The following PDZRN4 variants were observed in gnomAD, a reference collection of about 807,000 sequenced individuals.
PDZRN4 encodes the protein PDZ domain-containing RING finger protein 4.
In PDZRN4, 70 loss-of-function variants were observed where a neutral mutation model predicts 99.0. That is an observed-to-expected ratio of 0.71 (90% CI 0.58 to 0.86). PDZRN4 has a LOEUF of 0.86. PDZRN4 is among the 40% of genes least tolerant of loss of function. The pLI, the probability that PDZRN4 is intolerant of heterozygous loss-of-function variation, is 0.00. For missense variants in PDZRN4, 1,474 were observed against 1,331.2 expected (o/e 1.11, Z -1.67); for synonymous variants, 551 against 501.6 (o/e 1.10, Z -1.32).
At chr12:41,481,222 A>G (rs1272782910) in intron 3 of PDZRN4, among the ~76,000 whole-genome samples, 6 of 151,986 alleles carry the variant, frequency 3.9e-5, no homozygotes, top group African/African-American at 1.2e-4. Flanking sequence ...CACCCATCAT[A>G]ACAGGAGCAG....
At chr12:41,496,789 A>G (rs951633981) in intron 3 of PDZRN4, among the ~76,000 whole-genome samples, 1 of 152,178 alleles carries the variant, frequency 6.6e-6, no homozygotes, top group South Asian at 2.1e-4. Context: ...ATGAAAATGT[A>G]TTTAACACAT....
At chr12:41,348,736 T>G (rs1394926560) in intron 3 of PDZRN4, among the ~76,000 whole-genome samples, 1 of 151,932 alleles carries the variant, frequency 6.6e-6, no homozygotes, top group Non-Finnish European at 1.5e-5. Flanking sequence ...ATTACTCCAT[T>G]TTTTTTAAAT....
intron 3 of PDZRN4, among the ~76,000 whole-genome samples, chr12:41,296,789 ATC>A (rs1025956985): frequency 6.6e-6 from 1 of 151,854 alleles, no homozygotes; most frequent in Non-Finnish European, 1.5e-5. Flanking sequence ...GCAAGACCTT[ATC>A]TCTACAAAAA....
chr12:41,409,241 G>T (rs972201726), intron 3 of PDZRN4, among the ~76,000 whole-genome samples: 1 of 151,728 alleles, frequency 6.6e-6, no homozygotes, highest in Non-Finnish European at 1.5e-5. Context: ...ATTTTTTAAG[G>T]GTTAACATCT....
chr12:41,407,809 C>T (rs539120724), intron 3 of PDZRN4, among the ~76,000 whole-genome samples: 5 of 151,896 alleles, frequency 3.3e-5, no homozygotes, highest in African/African-American at 4.8e-5. Flanking sequence ...TTAAATTCTG[C>T]GAGAAAAGAT....
At chr12:41,387,446 G>A (rs992854643) in intron 3 of PDZRN4, among the ~76,000 whole-genome samples, 1 of 152,032 alleles carries the variant, frequency 6.6e-6, no homozygotes, top group Non-Finnish European at 1.5e-5. Context: ...TTAGCCAGGG[G>A]TGGCAGCGTG....
intron 3 of PDZRN4, among the ~76,000 whole-genome samples, chr12:41,440,981 T>A (rs1396228748): frequency 1.3e-5 from 2 of 152,128 alleles, no homozygotes; most frequent in Non-Finnish European, 2.9e-5. Context: ...TAATAACAGA[T>A]TTATTTCTGA....
chr12:41,531,827 T>C (rs922194091), intron 5 of PDZRN4, among the ~76,000 whole-genome samples: 1 of 152,222 alleles, frequency 6.6e-6, no homozygotes, highest in Non-Finnish European at 1.5e-5. Flanking sequence ...TTTATATATT[T>C]TAAAATCAAC....
intron 8 of PDZRN4, among the ~76,000 whole-genome samples, chr12:41,566,160 A>T (rs981081804): frequency 3.0e-4 from 45 of 152,178 alleles, no homozygotes; most frequent in African/African-American, 1.1e-3. Context: ...GGATTACTCA[A>T]TAAGAAAAGA....
chr12:41,466,437 A>T (rs575184213), intron 3 of PDZRN4, among the ~76,000 whole-genome samples: 63 of 152,126 alleles, frequency 4.1e-4, no homozygotes, highest in Non-Finnish European at 7.4e-4. Flanking sequence ...TCCCCAGAGG[A>T]GGGAGGAGGG....
chr12:41,381,238 C>T (rs1180785229), intron 3 of PDZRN4, among the ~76,000 whole-genome samples: 1 of 152,120 alleles, frequency 6.6e-6, no homozygotes, highest in African/African-American at 2.4e-5. Flanking sequence ...ATTTGGGTCT[C>T]ATGAATCTGG....
chr12:41,418,210 A>T (rs1217609814), intron 3 of PDZRN4, among the ~76,000 whole-genome samples: 2 of 152,188 alleles, frequency 1.3e-5, no homozygotes, highest in African/African-American at 4.8e-5. Context: ...TTCACTTTTT[A>T]AAAATACTAA....
chr12:41,202,900 A>G (rs1266225954), intron 3 of PDZRN4, among the ~76,000 whole-genome samples: 3 of 152,054 alleles, frequency 2.0e-5, no homozygotes, highest in Non-Finnish European at 2.9e-5. Flanking sequence ...GTTAAATGAA[A>G]ATATTGTTAT....
chr12:41,562,586 T>G (rs953177190), intron 7 of PDZRN4, among the ~76,000 whole-genome samples: 2 of 152,128 alleles, frequency 1.3e-5, no homozygotes, highest in African/African-American at 4.8e-5. Flanking sequence ...AAAATCTTGC[T>G]GTCTCTATGG....
chr12:41,256,721 T>C (rs1464622844), intron 3 of PDZRN4, among the ~76,000 whole-genome samples: 1 of 152,186 alleles, frequency 6.6e-6, no homozygotes, highest in Admixed American at 6.5e-5. Flanking sequence ...TCTAAGTGTC[T>C]ACCTGGCTAC....
intron 5 of PDZRN4, among the ~76,000 whole-genome samples, chr12:41,547,388 G>A (rs1938973526): frequency 6.6e-6 from 1 of 152,152 alleles, no homozygotes; most frequent in Admixed American, 6.5e-5. Flanking sequence ...CACTTTGGGA[G>A]GCCAAGGCTG....
At chr12:41,317,011 A>T in intron 3 of PDZRN4, among the ~76,000 whole-genome samples, 1 of 129,406 alleles carries the variant, frequency 7.7e-6, no homozygotes, top group Non-Finnish European at 1.7e-5. Flanking sequence ...AGGGGGTGTT[A>T]TATTAGAGTT....
At chr12:41,450,163 T>C (rs1952763224) in intron 3 of PDZRN4, among the ~76,000 whole-genome samples, 1 of 152,196 alleles carries the variant, frequency 6.6e-6, no homozygotes, top group Non-Finnish European at 1.5e-5. Context: ...TTTAATAATA[T>C]ACTAAACATA....
chr12:41,500,716 T>C (rs1166913478), intron 3 of PDZRN4, among the ~76,000 whole-genome samples: 3 of 152,058 alleles, frequency 2.0e-5, no homozygotes, highest in East Asian at 3.9e-4. Flanking sequence ...AATGTTCAAA[T>C]AGAGTCAATC....
Sources: allele counts gnomAD v4.1 joint callset (sites outside exome capture counted in the v4.1 genomes callset), GRCh38; gene constraint gnomAD v4.1.1; transcripts MANE v1.5; gene names NCBI Gene and HGNC (gene_info 2026-07-23, HGNC 2026-07-21).